The following KCNK12 variants were observed in gnomAD, a reference collection of about 807,000 sequenced individuals.
The protein encoded by KCNK12 is potassium channel subfamily K member 12.
Under a neutral mutation model 25.3 loss-of-function variants are expected in KCNK12, and 6 were observed. The observed-to-expected ratio is 0.24, with a 90% CI of 0.13 to 0.47. The LOEUF (loss-of-function observed/expected upper bound fraction) is 0.47. Ranked by LOEUF, KCNK12 falls within the 20% of genes least tolerant of loss-of-function variation. The probability of loss-of-function intolerance (pLI) is 0.99; values close to 1 mark genes in which losing one functional copy is unlikely to be tolerated. For synonymous variants in KCNK12, 331 were observed against 311.1 expected (o/e 1.06, Z -0.67); for missense variants, 444 against 661.7 (o/e 0.67, Z 3.61).
rs938132378 is a variant in KCNK12 at position 47,512,075 on chromosome 2, G to A, written c.*8832C>T. On this transcript the variant is annotated 3_prime_UTR_variant, in exon 2 of 2. Coordinates refer to ENST00000327876, the MANE Select transcript of KCNK12 (RefSeq NM_022055.2). ...GTTTCTCATGGGGTGGGGTATGTGT[G>A]TTGAAGCTGCACCTTCAGCAGGAAC... 6.6e-6 allele frequency among the ~76,000 whole-genome samples: 1 copy of A among 152,190 alleles called. No homozygotes were observed. The highest frequency in any genetic ancestry group is 1.5e-5 in the Non-Finnish European group (1 of 68,034).
In KCNK12 at chr2:47,551,673, C is replaced by G. The variant is rs1238108436; in HGVS notation, c.391+18268G>C. Reference sequence around the variant, plus strand: ...GTGAAATCAGTATTACCCCCTACCCCACACGGCACCATATTTTTCTGGAGC... The same window carrying G: ...GTGAAATCAGTATTACCCCCTACCCGACACGGCACCATATTTTTCTGGAGC... On this transcript the variant is annotated intron_variant, in intron 1 of 1. Transcript: ENST00000327876. This position sits in a 1 kb window ranked among gnomAD's most constrained non-coding sequence, Gnocchi z 5.3. Among the ~76,000 whole-genome samples the G allele has an allele frequency of 6.6e-6, 1 of 152,232 alleles. No individual in the cohort carries two copies. The highest frequency in any genetic ancestry group is 2.4e-5 in the African/African-American group (1 of 41,446).
intron 1 of KCNK12, chr2:47,534,996 T>C (rs557618681): frequency 6.2e-5 from 14 of 226,244 alleles, no homozygotes; most frequent in Non-Finnish European, 1.1e-4. Context: ...GCCTCGTCCT[T>C]TCCATGGAGC....
At chr2:47,544,959 CT>C in intron 1 of KCNK12, among the ~76,000 whole-genome samples, 1 of 152,158 alleles carries the variant, frequency 6.6e-6, no homozygotes, top group East Asian at 1.9e-4. Context: ...AAGCTAAAGG[CT>C]TTTTTTCCCT....
At chr2:47,554,270 C>T (rs564917295) in intron 1 of KCNK12, among the ~76,000 whole-genome samples, 1 of 152,128 alleles carries the variant, frequency 6.6e-6, no homozygotes, top group African/African-American at 2.4e-5. Flanking sequence ...CACATAAACA[C>T]GTTATTTGCT....
intron 1 of KCNK12, chr2:47,564,457 A>G (rs1669750879): frequency 4.5e-6 from 1 of 222,902 alleles, no homozygotes; most frequent in South Asian, 1.8e-4. Context: ...ATCCAGCAAT[A>G]GGGGTAGTGA....
chr2:47,567,045 G>C (rs1355660577), intron 1 of KCNK12: 2 of 152,288 alleles, frequency 1.3e-5, no homozygotes, highest in African/African-American at 4.8e-5. Context: ...AATACAGCCT[G>C]ATACATACAA....
In KCNK12 at chr2:47,560,731, G is replaced by A. The variant is rs1669650649; in HGVS notation, c.391+9210C>T. Among the ~76,000 whole-genome samples the A allele has an allele frequency of 2.6e-5, 4 of 152,278 alleles. No individual in the cohort carries two copies. The South Asian group carries it at 8.3e-4, about 32-fold the overall frequency. Reference sequence around the variant, plus strand: ...AACACAGATAAAAACACAGTGAACTGGCAAACATGACATGTGGCAGGGAGG... The same window carrying A: ...AACACAGATAAAAACACAGTGAACTAGCAAACATGACATGTGGCAGGGAGG... On this transcript the variant is annotated intron_variant, in intron 1 of 1. Transcript: ENST00000327876. The surrounding 1 kb of genome is among the most constrained non-coding windows in gnomAD (Gnocchi z 4.7).
Position 47,518,774 on chromosome 2 carries a change from T to C in KCNK12, c.*2133A>G, listed in dbSNP as rs1422066559. On this transcript the variant is annotated 3_prime_UTR_variant, in exon 2 of 2. Coordinates refer to ENST00000327876, the MANE Select transcript of KCNK12 (RefSeq NM_022055.2). The surrounding 1 kb of genome is among the most constrained non-coding windows in gnomAD (Gnocchi z 4.1). ...ATCAAGTCCTCACTGTCTAGATGCC[T>C]CTATCATGGGGATCTCTTCTTCCCT... is the stretch of plus-strand genomic sequence containing the variant. The C allele has an allele frequency of 2.0e-5, 3 of 152,296 alleles. No homozygotes were observed. The highest frequency in any genetic ancestry group is 7.2e-5 in the African/African-American group (3 of 41,468). 9.4% of individuals were successfully genotyped at this position (152,296 alleles called of 1,614,324 possible). A position where few individuals can be genotyped will look rare whatever the true frequency, so the allele number is the denominator to read the frequency against.
At chr2:47,546,110 A>G (rs1374967428) in intron 1 of KCNK12, among the ~76,000 whole-genome samples, 1 of 152,188 alleles carries the variant, frequency 6.6e-6, no homozygotes, top group Non-Finnish European at 1.5e-5. Context: ...AAAAACTTCC[A>G]GTGGCTTCCT....
rs772021309 is a variant in KCNK12 at position 47,556,619 on chromosome 2, G to C, written c.391+13322C>G. 6.6e-6 allele frequency among the ~76,000 whole-genome samples: 1 copy of C among 152,150 alleles called. No homozygotes were observed. The highest frequency in any genetic ancestry group is 1.5e-5 in the Non-Finnish European group (1 of 68,034). ...CTGCTTGAGGGCAGATGAAGAATACGTGGGAAGTTGGTATTTTGATAGGGG... is the reference window on the plus strand; with the variant it reads ...CTGCTTGAGGGCAGATGAAGAATACCTGGGAAGTTGGTATTTTGATAGGGG... On this transcript the variant is annotated intron_variant, in intron 1 of 1. Coordinates refer to ENST00000327876, the MANE Select transcript of KCNK12 (RefSeq NM_022055.2). This position sits in a 1 kb window ranked among gnomAD's most constrained non-coding sequence, Gnocchi z 4.8.
intron 1 of KCNK12, among the ~76,000 whole-genome samples, chr2:47,527,155 G>A (rs540881301): frequency 6.6e-6 from 1 of 152,332 alleles, no homozygotes; most frequent in East Asian, 1.9e-4. Flanking sequence ...CACCAAGGAA[G>A]CTCCATTTTT....
At chr2:47,534,513 T>TC (rs1669010756) in intron 1 of KCNK12, among the ~76,000 whole-genome samples, 2 of 42,592 alleles carry the variant, frequency 4.7e-5, no homozygotes, top group East Asian at 1.3e-3. Flanking sequence ...CTGCCCCTTC[T>TC]AACCCCCCCC....
At chr2:47,542,628 C>G (rs1186867603) in intron 1 of KCNK12, among the ~76,000 whole-genome samples, 1 of 151,978 alleles carries the variant, frequency 6.6e-6, no homozygotes, top group Non-Finnish European at 1.5e-5. Flanking sequence ...TCATCTGGGC[C>G]CCAGTCACAC....
chr2:47,562,776 T>C lies in KCNK12; in HGVS notation c.391+7165A>G. On this transcript the variant is annotated intron_variant, in intron 1 of 1. Transcript: ENST00000327876. This position sits in a 1 kb window ranked among gnomAD's most constrained non-coding sequence, Gnocchi z 4.8. The stretch of plus-strand genomic sequence containing the variant: ...TGCAGTTTCAAGCCCCTCCACCCCC[T>C]GTTCCTCACCAACTCTCCCCGTGTA... 1 of 233,174 alleles carries C rather than the reference T, an allele frequency of 4.3e-6. No homozygotes were observed. Among genetic ancestry groups the C allele is most frequent in the East Asian group, 6.0e-5 (1 of 16,564 alleles). The allele number at this position is 233,174 out of a possible 1,614,324, so 14.4% of individuals were successfully genotyped here.
chr2:47,558,344 C>T lies in KCNK12; in HGVS notation c.391+11597G>A, dbSNP rs139639508. Among the ~76,000 whole-genome samples the T allele has an allele frequency of 3.1e-4, 47 of 152,356 alleles. No homozygotes were observed. In the East Asian group the frequency reaches 8.9e-3, roughly 29 times the overall value. ...GGCAGGGGCAGGCCCTGCAGTCCCA[C>T]TTCTGCACTGACACAGGCAAGGACC... On this transcript the variant is annotated intron_variant, in intron 1 of 1. Coordinates refer to ENST00000327876, the MANE Select transcript of KCNK12 (RefSeq NM_022055.2).
At chr2:47,535,653 G>A (rs901846334) in intron 1 of KCNK12, among the ~76,000 whole-genome samples, 1 of 152,156 alleles carries the variant, frequency 6.6e-6, no homozygotes, top group Admixed American at 6.5e-5. Flanking sequence ...GCAGCTCCTG[G>A]GGGAGGTGTC....
rs965494660 is a variant in KCNK12 at position 47,513,196 on chromosome 2, T to A, written c.*7711A>T. The A allele has an allele frequency of 4.6e-5, 7 of 152,236 alleles. No homozygotes were observed. Among genetic ancestry groups the A allele is most frequent in the African/African-American group, 1.7e-4 (7 of 41,460 alleles). The allele number at this position is 152,236 out of a possible 1,614,324, so 9.4% of individuals were successfully genotyped here. A position where few individuals can be genotyped will look rare whatever the true frequency, so the allele number is the denominator to read the frequency against. On this transcript the variant is annotated 3_prime_UTR_variant, in exon 2 of 2. Transcript: ENST00000327876. ...TGGCTTGAATCTGTATCCTAACTTGTATCCCTAATGTGTGACCCATGAAAA... is the reference window on the plus strand; with the variant it reads ...TGGCTTGAATCTGTATCCTAACTTGAATCCCTAATGTGTGACCCATGAAAA...
At chr2:47,522,518 C>T (rs1668681448) in intron 1 of KCNK12, among the ~76,000 whole-genome samples, 2 of 152,198 alleles carry the variant, frequency 1.3e-5, no homozygotes, top group South Asian at 4.1e-4. Flanking sequence ...TCTTTGTCAC[C>T]CAGGCTGGAT....
At chr2:47,524,300 A>G (rs959330775) in intron 1 of KCNK12, among the ~76,000 whole-genome samples, 3 of 152,264 alleles carry the variant, frequency 2.0e-5, no homozygotes, top group African/African-American at 7.2e-5. Context: ...AAAACGTTTT[A>G]GACCAGTAAC....
Sources: gnomAD v4.1 joint callset for allele counts (sites outside exome capture counted in the v4.1 genomes callset) on GRCh38, gnomAD v4.1.1 for gene constraint, Gnocchi (gnomAD v3.1) non-coding constraint, MANE v1.5 for transcripts, NCBI Gene and HGNC (gene_info 2026-07-23, HGNC 2026-07-21) for gene names.